Variants in DSN1 observed in about 807,000 individuals in gnomAD.
DSN1 encodes kinetochore-associated protein DSN1 homolog.
Under a neutral mutation model 45.7 loss-of-function variants are expected in DSN1, and 31 were observed. The ratio of observed to expected loss-of-function variants is 0.68; its 90% CI spans 0.51 to 0.92. The LOEUF (loss-of-function observed/expected upper bound fraction) is 0.92, where lower values mean the gene tolerates loss of function less well. DSN1 is among the 40% of genes least tolerant of loss of function. The pLI is 0.00. For missense variants in DSN1, 394 were observed against 414.2 expected (o/e 0.95, Z 0.42); for synonymous variants, 134 against 142.3 (o/e 0.94, Z 0.41).
At chr20:36,773,357 G>A (rs1419702798) in intron 1 of DSN1, 1 of 984,676 alleles carries the variant, frequency 1.0e-6, no homozygotes, top group African/African-American at 1.7e-5. Context: ...GGGGGCACAG[G>A]GGCAATTCGA....
chr20:36,754,827 C>G lies in DSN1; in HGVS notation c.897G>C (p.Val299=). 1 of 1,613,918 alleles carries G rather than the reference C, an allele frequency of 6.2e-7. No individual in the cohort carries two copies. Among genetic ancestry groups the G allele is most frequent in the Non-Finnish European group, 8.5e-7 (1 of 1,179,856 alleles). The change falls in exon 10 of 11, where the codon GTG becomes GTC. Residue 299 remains valine (V), a synonymous_variant. Coordinates refer to ENST00000373750, the MANE Select transcript of DSN1 (RefSeq NM_001145315.2). ...ELVMDELQGS[V]KQLQAFMDES... ...CATCCATAAAGGCCTGCAGCTGTTT[C>G]ACTGATCCTTGCAGTTCATCCATCT...
chr20:36,754,907 C>G, intron 9 of DSN1, 57 bp from the exon 10 acceptor site: 8 of 1,467,314 alleles, frequency 5.5e-6, no homozygotes, highest in Non-Finnish European at 7.6e-6. Context: ...GGATGTTCCT[C>G]AAACCTGACA....
chr20:36,763,910 A>G (rs1987168957), intron 5 of DSN1, among the ~76,000 whole-genome samples: 1 of 146,590 alleles, frequency 6.8e-6, no homozygotes, highest in East Asian at 2.0e-4. Flanking sequence ...AAAAAAAAAA[A>G]AGAAAGACAG....
Position 36,756,556 on chromosome 20 carries a change from C to G in DSN1, c.726-727G>C, listed in dbSNP as rs1347023004. ...TGATGAACAACAACTTTAATAACAA[C>G]AACTACTACAATTTACTGAGTGCTA... On this transcript the variant is annotated intron_variant, in intron 8 of 10. Coordinates refer to ENST00000373750, the MANE Select transcript of DSN1 (RefSeq NM_001145315.2). Among the ~76,000 whole-genome samples the G allele has an allele frequency of 1.3e-5, 2 of 152,192 alleles. 1 individual carries two copies. Among genetic ancestry groups the G allele is most frequent in the South Asian group, 4.1e-4 (2 of 4,834 alleles).
In DSN1 at chr20:36,773,684, GCTCTCCACAGCCCCAGGTCA is replaced by G; in HGVS notation, c.-58_-39del. The G allele has an allele frequency of 1.0e-6, 1 of 985,664 alleles. No homozygotes were observed. The highest frequency in any genetic ancestry group is 1.2e-6 in the Non-Finnish European group (1 of 830,112). 61.1% of individuals were successfully genotyped at this position (985,664 alleles called of 1,614,324 possible). A position where few individuals can be genotyped will look rare whatever the true frequency, so the allele number is the denominator to read the frequency against. ...TACCTGAAACACAAGGCCACGGGTC[GCTCTCCACAGCCCCAGGTCA>G]CTCCTGGACGCCTTGCGCACCCGCA... On this transcript the variant is annotated 5_prime_UTR_variant, in exon 1 of 11. Coordinates refer to ENST00000373750, the MANE Select transcript of DSN1 (RefSeq NM_001145315.2).
chr20:36,758,598 A>T lies in DSN1; in HGVS notation c.610T>A (p.Leu204Met). 1 of 1,611,688 alleles carries T rather than the reference A, an allele frequency of 6.2e-7. No individual in the cohort carries two copies. The highest frequency in any genetic ancestry group is 1.1e-5 in the South Asian group (1 of 90,764). The part of the protein sequence containing the change: ...DSNGKASDFS[L>M]EASVAEMKEY... ...TTCATCTCAGCCACAGATGCTTCCA[A>T]AGAAAAATCTGATGCTTTTCTGGAA... Residue 204 changes from leucine (L) to methionine (M), a missense_variant, in exon 7 of 11, where the codon TTG becomes ATG. Coordinates refer to ENST00000373750, the MANE Select transcript of DSN1 (RefSeq NM_001145315.2).
chr20:36,765,934 T>C (rs1987307277), intron 5 of DSN1, among the ~76,000 whole-genome samples: 1 of 150,490 alleles, frequency 6.6e-6, no homozygotes, highest in Admixed American at 6.6e-5. Flanking sequence ...GGCTTGTACC[T>C]GTAATCCCAG....
At chr20:36,762,590 T>C (rs769628625) in intron 5 of DSN1, 42 bp from the exon 6 acceptor site, 13 of 1,563,474 alleles carry the variant, frequency 8.3e-6, no homozygotes, top group East Asian at 4.5e-5. Context: ...AAAGGAAATA[T>C]ACGTTTTCAT....
At chr20:36,763,431 A>AAG (rs1555812742) in intron 5 of DSN1, among the ~76,000 whole-genome samples, 2 of 150,604 alleles carry the variant, frequency 1.3e-5, no homozygotes, top group Non-Finnish European at 3.0e-5. Context: ...AAAAAAAAAA[A>AAG]AAGAAGTCAG....
At chr20:36,767,869 T>C in intron 4 of DSN1, 100 bp downstream of exon 4, 1 of 1,243,652 alleles carries the variant, frequency 8.0e-7, no homozygotes, top group East Asian at 2.4e-5. Context: ...ACCACTGCAC[T>C]CCAGCCTGGG....
At chr20:36,763,380 G>A (rs573567166) in intron 5 of DSN1, among the ~76,000 whole-genome samples, 13 of 135,194 alleles carry the variant, frequency 9.6e-5, no homozygotes, top group Admixed American at 3.4e-4. Context: ...ACACCAGCCC[G>A]GGCAAGAATG....
chr20:36,771,483 G>GGAAAATGGAACTCT lies in DSN1; in HGVS notation c.-15-11_-15-10insAGAGTTCCATTTTC. 1 of 1,612,990 alleles carries GGAAAATGGAACTCT rather than the reference G, an allele frequency of 6.2e-7. No individual in the cohort carries two copies. Among genetic ancestry groups the GGAAAATGGAACTCT allele is most frequent in the East Asian group, 2.2e-5 (1 of 44,870 alleles). ...TCCTAGGTGGTAAACTCTGAAAATAGGAAAATGGAAGTGATCTGTTCTTCA... is the reference window on the plus strand; with the variant it reads ...TCCTAGGTGGTAAACTCTGAAAATAGGAAAATGGAACTCTGAAAATGGAAGTGATCTGTTCTTCA... On this transcript the variant is annotated splice_polypyrimidine_tract_variant and intron_variant, in intron 1 of 10. Coordinates refer to ENST00000373750, the MANE Select transcript of DSN1 (RefSeq NM_001145315.2).
At chr20:36,767,843 A>G (rs62208079) in intron 4 of DSN1, 126 bp downstream of exon 4, 2 of 876,520 alleles carry the variant, frequency 2.3e-6, no homozygotes, top group Non-Finnish European at 3.6e-6. Context: ...CGGAGGTTGC[A>G]GTGAGTCAAG....
rs529374990 is a variant in DSN1 at position 36,757,928 on chromosome 20, G to A, written c.725+159C>T. 5.9e-5 allele frequency among the ~76,000 whole-genome samples: 9 copies of A among 152,306 alleles called. No homozygotes were observed. In the East Asian group the frequency reaches 7.7e-4, roughly 13 times the overall value. The stretch of plus-strand genomic sequence containing the variant: ...TCTTCCTTCCTCTCACTCACTTCCC[G>A]TTTCTGGTCAGAGAGTGCTAATACA... On this transcript the variant is annotated intron_variant, in intron 8 of 10. Coordinates refer to ENST00000373750, the MANE Select transcript of DSN1 (RefSeq NM_001145315.2).
In DSN1 at chr20:36,755,732, G is replaced by T; in HGVS notation, c.823C>A (p.Gln275Lys). ...NEVLNTKPDY[Q>K]KILQNQSKVF... ...TTGCTCTGGTTCTGTAATATTTTCT[G>T]GTAGTCAGGTTTTGTATTAAGAACT... Residue 275 changes from glutamine to lysine, a missense_variant, in exon 9 of 11, where the codon CAG becomes AAG. By Grantham distance (53) the Gln-to-Lys change is moderately conservative (BLOSUM62 1). Transcript: ENST00000373750. The T allele has an allele frequency of 1.1e-5, 18 of 1,613,972 alleles. No individual in the cohort carries two copies. The highest frequency in any genetic ancestry group is 1.5e-5 in the Non-Finnish European group (18 of 1,179,982).
At chr20:36,753,655 A>G (rs1380040161) in intron 10 of DSN1, among the ~76,000 whole-genome samples, 2 of 149,338 alleles carry the variant, frequency 1.3e-5, no homozygotes, top group Non-Finnish European at 3.0e-5. Context: ...AAAAAAAAAG[A>G]AAAAGAAAGA....
intron 10 of DSN1, among the ~76,000 whole-genome samples, 199 bp from the exon 11 acceptor site, chr20:36,753,096 C>T (rs890600866): frequency 1.2e-4 from 18 of 151,372 alleles, no homozygotes; most frequent in Non-Finnish European, 2.2e-4. Context: ...GTAATCCCAG[C>T]ACTTTGGGAG....
chr20:36,773,450 T>C (rs915470362), intron 1 of DSN1: 1 of 985,392 alleles, frequency 1.0e-6, no homozygotes, highest in Non-Finnish European at 1.2e-6. Flanking sequence ...ATGGGGTCGG[T>C]AAGGGGGACT....
chr20:36,771,298 T>C (rs1987637138), intron 2 of DSN1, 105 bp from the exon 3 acceptor site: 4 of 1,480,570 alleles, frequency 2.7e-6, no homozygotes. Context: ...CGTGGAAACA[T>C]AAAGAAAGCA....
Sources: gnomAD v4.1 joint callset for allele counts (sites outside exome capture counted in the v4.1 genomes callset) on GRCh38, gnomAD v4.1.1 for gene constraint, MANE v1.5 for transcripts, NCBI Gene and HGNC (gene_info 2026-07-23, HGNC 2026-07-21) for gene names.